PCDHGA3: variants seen among roughly 807,000 people sequenced by gnomAD.
The protein encoded by PCDHGA3 is protocadherin gamma subfamily A, 3.
In PCDHGA3, 40 loss-of-function variants were observed where a neutral mutation model predicts 58.5. The ratio of observed to expected loss-of-function variants is 0.68; its 90% confidence interval spans 0.53 to 0.89. PCDHGA3 has a LOEUF of 0.89. PCDHGA3 is among the 40% of genes least tolerant of loss of function. PCDHGA3 has a pLI of 0.00. For missense variants in PCDHGA3, 1,223 were observed against 1,195.9 expected (o/e 1.02, Z -0.33); for synonymous variants, 530 against 525.7 (o/e 1.01, Z -0.11).
intron 1 of PCDHGA3, among the ~76,000 whole-genome samples, chr5:141,458,009 G>T (rs1039110082): frequency 2.6e-5 from 4 of 152,142 alleles, no homozygotes; most frequent in Non-Finnish European, 4.4e-5. Context: ...AAAATAACCG[G>T]TTTTTCCAAT....
At chr5:141,402,025 AAC>A (rs1265000731) in intron 1 of PCDHGA3, among the ~76,000 whole-genome samples, 9 of 152,192 alleles carry the variant, frequency 5.9e-5, no homozygotes, top group African/African-American at 1.7e-4. Flanking sequence ...GAATCATTGA[AAC>A]ACAGTCTGTG....
Position 141,477,016 on chromosome 5 carries a change from A to G in PCDHGA3, c.2425-17791A>G, listed in dbSNP as rs2099403497. Reference sequence around the variant, plus strand: ...GGCAACTATTCGCCTTAGACCTTGTAACCGGGATGCTGACAATCAAGGGTC... The same window carrying G: ...GGCAACTATTCGCCTTAGACCTTGTGACCGGGATGCTGACAATCAAGGGTC... On this transcript the variant is annotated intron_variant, in intron 1 of 3. Transcript: ENST00000253812. The surrounding 1 kb of genome is among the most constrained non-coding windows in gnomAD (Gnocchi z 4.9). 4.3e-6 allele frequency: 7 copies of G among 1,614,130 alleles called. No homozygotes were observed. The highest frequency in any genetic ancestry group is 5.9e-6 in the Non-Finnish European group (7 of 1,180,050).
intron 1 of PCDHGA3, chr5:141,424,468 C>A (rs1301878037): frequency 1.3e-5 from 2 of 152,072 alleles, no homozygotes; most frequent in South Asian, 2.1e-4. Context: ...TCCTTTTATT[C>A]TTTTACTTTG....
rs922042985 is a variant in PCDHGA3, at chr5:141,415,768, T to G, written c.2424+69311T>G. 1.6e-5 allele frequency: 22 copies of G among 1,345,224 alleles called. No homozygotes were observed. The African/African-American group carries it at 3.6e-4, about 22-fold the overall frequency. The allele number at this position is 1,345,224 out of a possible 1,614,324, so 83.3% of individuals were successfully genotyped here. ...TTTTTTTTTTTTTTTTTTTTTTTTT[T>G]TTTTACTTTCTGGTAAAATTCACCT... is the stretch of plus-strand genomic sequence containing the variant. On this transcript the variant is annotated intron_variant, in intron 1 of 3. Coordinates refer to ENST00000253812, the MANE Select transcript of PCDHGA3 (RefSeq NM_018916.4).
chr5:141,403,324 T>G (rs769971532), intron 1 of PCDHGA3: 1 of 1,613,974 alleles, frequency 6.2e-7, no homozygotes, highest in East Asian at 2.2e-5. Context: ...TAGAAGTAAC[T>G]GATATTAACG....
intron 1 of PCDHGA3, chr5:141,408,821 T>C (rs774934223): frequency 1.4e-5 from 23 of 1,613,250 alleles, no homozygotes; most frequent in African/African-American, 2.7e-5. Flanking sequence ...AGAACAGAGA[T>C]CTCATAGCTT....
intron 1 of PCDHGA3, among the ~76,000 whole-genome samples, chr5:141,449,708 A>G (rs2098652470): frequency 6.6e-6 from 1 of 151,418 alleles, no homozygotes; most frequent in African/African-American, 2.4e-5. Context: ...CAAACACATT[A>G]TTTTTATATG....
Position 141,384,181 on chromosome 5 carries a change from G to A in PCDHGA3, c.2424+37724G>A, listed in dbSNP as rs765782736. ...CATCACACTGAAAGCCACAGATGGTGGAACTCCTCCCTTGTCCAGGGAAAC... is the reference window on the plus strand; with the variant it reads ...CATCACACTGAAAGCCACAGATGGTAGAACTCCTCCCTTGTCCAGGGAAAC... On this transcript the variant is annotated intron_variant, in intron 1 of 3. Coordinates refer to ENST00000253812, the MANE Select transcript of PCDHGA3 (RefSeq NM_018916.4). 18 of 1,613,702 alleles carry A rather than the reference G, an allele frequency of 1.1e-5. No homozygotes were observed. Among genetic ancestry groups the A allele is most frequent in the Non-Finnish European group, 1.4e-5 (16 of 1,179,868 alleles).
chr5:141,495,386 G>C (rs2099760934), intron 2 of PCDHGA3, among the ~76,000 whole-genome samples: 1 of 152,214 alleles, frequency 6.6e-6, no homozygotes, highest in Non-Finnish European at 1.5e-5. Context: ...GGACTGGGCG[G>C]GGCATGGAGC....
chr5:141,485,958 T>C lies in PCDHGA3; in HGVS notation c.2425-8849T>C. On this transcript the variant is annotated intron_variant, in intron 1 of 3. Transcript: ENST00000253812. The surrounding 1 kb of genome is among the most constrained non-coding windows in gnomAD (Gnocchi z 5.7). ...AGCGCACCAGCGGGCATGGTGCTCATCCAGCTCAATGCCTCAGACCCGGAC... is the reference window on the plus strand; with the variant it reads ...AGCGCACCAGCGGGCATGGTGCTCACCCAGCTCAATGCCTCAGACCCGGAC... 1 of 1,614,190 alleles carries C rather than the reference T, an allele frequency of 6.2e-7. No individual in the cohort carries two copies. The highest frequency in any genetic ancestry group is 8.5e-7 in the Non-Finnish European group (1 of 1,180,032).
chr5:141,350,896 G>A (rs780813095), intron 1 of PCDHGA3: 11 of 1,614,042 alleles, frequency 6.8e-6, no homozygotes, highest in South Asian at 4.4e-5. Context: ...TGACTGCCAT[G>A]GATGGCGGGG....
chr5:141,436,068 T>A (rs1343785335), intron 1 of PCDHGA3, among the ~76,000 whole-genome samples: 1 of 152,190 alleles, frequency 6.6e-6, no homozygotes, highest in Non-Finnish European at 1.5e-5. Flanking sequence ...ATTTAATAAG[T>A]ACAGTGTTCT....
chr5:141,470,748 A>C (rs1163686396), intron 1 of PCDHGA3, among the ~76,000 whole-genome samples: 1 of 152,106 alleles, frequency 6.6e-6, no homozygotes. Flanking sequence ...CCCTGGCTGG[A>C]GTGCAGTGGA....
At chr5:141,508,604 A>G (rs2099870124) in intron 3 of PCDHGA3, among the ~76,000 whole-genome samples, 1 of 152,150 alleles carries the variant, frequency 6.6e-6, no homozygotes, top group African/African-American at 2.4e-5. Flanking sequence ...TCTTGGGTGC[A>G]CATAGGACGT....
At chr5:141,366,041 G>A (rs755866285) in intron 1 of PCDHGA3, 5 of 1,614,114 alleles carry the variant, frequency 3.1e-6, no homozygotes, top group Admixed American at 3.3e-5. Flanking sequence ...CCCCACAGAC[G>A]GTTCCACGGG....
At chr5:141,402,859 G>A (rs1314987043) in intron 1 of PCDHGA3, 8 of 1,428,738 alleles carry the variant, frequency 5.6e-6, no homozygotes, top group Non-Finnish European at 7.4e-6. Flanking sequence ...TTCTTCTAAG[G>A]AAAAGATCAC....
chr5:141,414,413 C>T, intron 1 of PCDHGA3: 1 of 1,613,830 alleles, frequency 6.2e-7, no homozygotes. Flanking sequence ...ATACACAGAG[C>T]CCTTGACAGG....
At position 141,503,509 on chromosome 5, in the gene PCDHGA3, G is replaced by A. The variant is rs373282648; in HGVS notation, c.2484-1884G>A. ...AGCTGCTCAAGAGGCTGAGGCAGGA[G>A]AATCACTTGAACCTGGGAGGCAGAG... On this transcript the variant is annotated intron_variant, in intron 2 of 3. Transcript: ENST00000253812. Among the ~76,000 whole-genome samples the A allele has an allele frequency of 9.4e-5, 14 of 149,410 alleles. No individual in the cohort carries two copies. The South Asian group carries it at 1.5e-3, about 16-fold the overall frequency.
intron 1 of PCDHGA3, among the ~76,000 whole-genome samples, chr5:141,447,493 T>A (rs538320272): frequency 3.3e-5 from 5 of 152,186 alleles, no homozygotes; most frequent in East Asian, 1.9e-4. Flanking sequence ...AGAAGGAATG[T>A]TTAGGATAAA....
Sources: gnomAD v4.1 joint callset for allele counts (sites outside exome capture counted in the v4.1 genomes callset) on GRCh38, gnomAD v4.1.1 for gene constraint, Gnocchi (gnomAD v3.1) non-coding constraint, MANE v1.5 for transcripts, NCBI Gene and HGNC (gene_info 2026-07-23, HGNC 2026-07-21) for gene names.